The following ADAM9 variants were observed in gnomAD, a reference collection of about 807,000 sequenced individuals.
ADAM9 encodes ADAM metallopeptidase domain 9.
A neutral mutation model predicts 108.1 loss-of-function variants in ADAM9; 54 were observed. The observed-to-expected ratio is 0.50, with a 90% CI of 0.40 to 0.63. The LOEUF is 0.63. ADAM9 is among the 20% of genes least tolerant of loss of function. ADAM9 has a pLI of 0.00. For missense variants in ADAM9, 830 were observed against 997.7 expected, an observed-to-expected ratio of 0.83 and a Z score of 2.26; for synonymous variants, 316 against 336.0, an observed-to-expected ratio of 0.94 and a Z score of 0.65.
chr8:39,045,172 G>GTA (rs1405091513), intron 12 of ADAM9, among the ~76,000 whole-genome samples: 1 of 125,504 alleles, frequency 8.0e-6, no homozygotes, highest in East Asian at 2.3e-4. Flanking sequence ...ACATATATGT[G>GTA]TATATATGTG....
At chr8:39,071,883 A>C (rs2129441444) in intron 15 of ADAM9, among the ~76,000 whole-genome samples, 1 of 152,348 alleles carries the variant, frequency 6.6e-6, no homozygotes, top group East Asian at 1.9e-4. Flanking sequence ...TTAGGAAAAG[A>C]ACTGGTAACA....
At chr8:39,019,271 T>G (rs1836655372) in intron 7 of ADAM9, among the ~76,000 whole-genome samples, 1 of 152,230 alleles carries the variant, frequency 6.6e-6, no homozygotes, top group South Asian at 2.1e-4. Flanking sequence ...TTGGCTTTGT[T>G]GGCTAATAAA....
intron 12 of ADAM9, among the ~76,000 whole-genome samples, chr8:39,052,676 T>G (rs963310636): frequency 6.6e-6 from 1 of 152,220 alleles, no homozygotes; most frequent in African/African-American, 2.4e-5. Context: ...TCAGTTGTTG[T>G]GGAACCATTT....
chr8:39,067,673 A>G (rs1838529438), intron 14 of ADAM9, among the ~76,000 whole-genome samples: 1 of 152,192 alleles, frequency 6.6e-6, no homozygotes, highest in Admixed American at 6.5e-5. Context: ...CTAGATGTAC[A>G]ATCATGTCAT....
intron 11 of ADAM9, among the ~76,000 whole-genome samples, chr8:39,039,928 T>C (rs1233545729): frequency 6.6e-6 from 1 of 152,214 alleles, no homozygotes; most frequent in Admixed American, 6.5e-5. Context: ...TAGTTCTGTT[T>C]TTAATTTCTT....
chr8:39,097,481 A>G (rs527858176), intron 20 of ADAM9, among the ~76,000 whole-genome samples: 2 of 151,392 alleles, frequency 1.3e-5, no homozygotes, highest in East Asian at 1.9e-4. Flanking sequence ...TAATTTTTGT[A>G]TTTTTTAGTA....
At chr8:39,062,251 T>G (rs1026982518) in intron 14 of ADAM9, among the ~76,000 whole-genome samples, 1 of 152,206 alleles carries the variant, frequency 6.6e-6, no homozygotes, top group Non-Finnish European at 1.5e-5. Flanking sequence ...TAATGATTAA[T>G]AGTATAAATT....
At chr8:39,082,752 G>T in intron 17 of ADAM9, 31 bp downstream of exon 17, 1 of 1,572,932 alleles carries the variant, frequency 6.4e-7, no homozygotes, top group South Asian at 1.1e-5. Context: ...GCTTGTTCCT[G>T]AAAGTAGTGC....
At chr8:39,004,937 A>G (rs1836114503) in intron 1 of ADAM9, among the ~76,000 whole-genome samples, 1 of 152,182 alleles carries the variant, frequency 6.6e-6, no homozygotes. Flanking sequence ...TTATCAGCAA[A>G]GTCTCTGTGA....
chr8:39,009,420 G>T (rs536742694), intron 2 of ADAM9, among the ~76,000 whole-genome samples: 35 of 152,286 alleles, frequency 2.3e-4, no homozygotes, highest in Non-Finnish European at 4.4e-4. Flanking sequence ...CGTATCTTTA[G>T]TTGAGATGGG....
At chr8:39,037,439 TAA>T (rs1406312353) in intron 11 of ADAM9, among the ~76,000 whole-genome samples, 2 of 141,394 alleles carry the variant, frequency 1.4e-5, no homozygotes, top group Non-Finnish European at 3.0e-5. Flanking sequence ...AATATATATT[TAA>T]GTGTGTGTGT....
At chr8:39,012,202 GA>G (rs1218988746) in intron 3 of ADAM9, among the ~76,000 whole-genome samples, 3 of 152,224 alleles carry the variant, frequency 2.0e-5, no homozygotes, top group Non-Finnish European at 4.4e-5. Context: ...GAACCGCTGA[GA>G]TATGTGTGAG....
At chr8:39,086,112 T>G (rs915005548) in intron 18 of ADAM9, among the ~76,000 whole-genome samples, 4 of 152,136 alleles carry the variant, frequency 2.6e-5, no homozygotes, top group Non-Finnish European at 5.9e-5. Flanking sequence ...CCTCCGGGGT[T>G]CAAGCAATTC....
chr8:39,002,635 C>G (rs917018915), intron 1 of ADAM9, among the ~76,000 whole-genome samples: 4 of 152,114 alleles, frequency 2.6e-5, no homozygotes, highest in African/African-American at 9.6e-5. Context: ...TTAGGTAGAA[C>G]TCTTTTAACT....
At chr8:39,091,430 T>C in intron 20 of ADAM9, 84 bp downstream of exon 20, 1 of 1,169,266 alleles carries the variant, frequency 8.6e-7, no homozygotes. Flanking sequence ...TATATAGCTA[T>C]AGCTAGAAAC....
chr8:39,096,479 A>G (rs150127714), intron 20 of ADAM9, among the ~76,000 whole-genome samples: 1 of 152,152 alleles, frequency 6.6e-6, no homozygotes, highest in Non-Finnish European at 1.5e-5. Flanking sequence ...ATGACACAAA[A>G]TTACCTCTTT....
At chr8:39,013,871 C>T in intron 3 of ADAM9, 94 bp from the exon 4 acceptor site, 1 of 974,114 alleles carries the variant, frequency 1.0e-6, no homozygotes, top group South Asian at 1.4e-5. Context: ...TTATTTACTC[C>T]TGCTTGTCTC....
intron 14 of ADAM9, among the ~76,000 whole-genome samples, chr8:39,068,253 C>T (rs1363544100): frequency 6.6e-6 from 1 of 152,076 alleles, no homozygotes; most frequent in Non-Finnish European, 1.5e-5. Flanking sequence ...GAAAGCTTTC[C>T]TATAGGATGA....
chr8:39,049,257 T>C (rs1165061835), intron 12 of ADAM9, among the ~76,000 whole-genome samples: 2 of 151,962 alleles, frequency 1.3e-5, no homozygotes, highest in Non-Finnish European at 2.9e-5. Context: ...AGGTATTTGT[T>C]TATGGTTACC....
Sources: allele counts gnomAD v4.1 joint callset (sites outside exome capture counted in the v4.1 genomes callset), GRCh38; gene constraint gnomAD v4.1.1; transcripts MANE v1.5; gene names NCBI Gene and HGNC (gene_info 2026-07-23, HGNC 2026-07-21).